SLC25A13: variants seen among roughly 807,000 people sequenced by gnomAD.
SLC25A13 encodes solute carrier family 25 member 13.
A neutral mutation model predicts 85.5 loss-of-function variants in SLC25A13; 70 were observed. The observed-to-expected ratio is 0.82, with a 90% confidence interval of 0.68 to 1.00. SLC25A13 has a LOEUF of 1.00. Among genes scored for constraint, SLC25A13 ranks in the 50% least tolerant of loss-of-function variants. The probability of loss-of-function intolerance (pLI) is 0.00; values close to 1 mark genes in which losing one functional copy is unlikely to be tolerated. For synonymous variants in SLC25A13, 259 were observed against 288.7 expected, an observed-to-expected ratio of 0.90 and a Z score of 1.04; for missense variants, 765 against 819.8, an observed-to-expected ratio of 0.93 and a Z score of 0.82.
intron 13 of SLC25A13, among the ~76,000 whole-genome samples, chr7:96,165,128 C>T (rs1034362037): frequency 2.0e-5 from 3 of 152,026 alleles, no homozygotes; most frequent in Non-Finnish European, 4.4e-5. Context: ...TAAGAAGATC[C>T]CTGCTTTTGC....
chr7:96,233,884 A>G lies in SLC25A13; in HGVS notation c.328+918T>C, dbSNP rs368181491. 4.6e-5 allele frequency among the ~76,000 whole-genome samples: 7 copies of G among 152,358 alleles called. No individual in the cohort carries two copies. In the East Asian group the frequency reaches 9.6e-4, roughly 21 times the overall value. On this transcript the variant is annotated intron_variant, in intron 4 of 17. Coordinates refer to ENST00000265631, the MANE Select transcript of SLC25A13 (RefSeq NM_014251.3). ...TTAAAATGGGCACATGCCAAGCACA[A>G]GACAGGCAGAAGTCCTGTCTGGGTC...
chr7:96,288,175 A>C (rs1475782486), intron 2 of SLC25A13, among the ~76,000 whole-genome samples: 2 of 152,210 alleles, frequency 1.3e-5, no homozygotes, highest in Admixed American at 6.5e-5. Flanking sequence ...TCGTGCCTGT[A>C]ATCCCAGCAC....
intron 5 of SLC25A13, among the ~76,000 whole-genome samples, chr7:96,205,074 A>G (rs550299373): frequency 2.0e-5 from 3 of 151,988 alleles, no homozygotes; most frequent in South Asian, 2.1e-4. Flanking sequence ...TGTCCAGCTA[A>G]TTTTTTTGTA....
chr7:96,186,083 TA>T (rs927687293), intron 9 of SLC25A13, among the ~76,000 whole-genome samples: 1 of 152,072 alleles, frequency 6.6e-6, no homozygotes, highest in African/African-American at 2.4e-5. Flanking sequence ...CAAGCATAAA[TA>T]GAGAGATGTT....
At chr7:96,148,366 T>C (rs555135638) in intron 13 of SLC25A13, among the ~76,000 whole-genome samples, 2 of 152,294 alleles carry the variant, frequency 1.3e-5, no homozygotes, top group Non-Finnish European at 2.9e-5. Context: ...AACCTGCAGG[T>C]CCATGAGAAG....
intron 13 of SLC25A13, among the ~76,000 whole-genome samples, chr7:96,147,074 ACAGAACG>A (rs1792834002): frequency 2.2e-5 from 1 of 46,464 alleles, no homozygotes; most frequent in Admixed American, 1.9e-4. Flanking sequence ...ATGAGGAGAC[ACAGAACG>A]TATCCAAATG....
intron 15 of SLC25A13, among the ~76,000 whole-genome samples, chr7:96,129,102 G>C (rs1449215314): frequency 6.6e-6 from 1 of 152,098 alleles, no homozygotes; most frequent in Non-Finnish European, 1.5e-5. Context: ...GAGCCATCTT[G>C]AAAGTGGCTT....
At chr7:96,217,479 G>C (rs1211495082) in intron 4 of SLC25A13, among the ~76,000 whole-genome samples, 1 of 151,976 alleles carries the variant, frequency 6.6e-6, no homozygotes, top group Non-Finnish European at 1.5e-5. Context: ...ACTGGGAACA[G>C]CTCTTATGCC....
intron 2 of SLC25A13, chr7:96,283,817 T>A (rs1403038548): frequency 8.9e-6 from 1 of 112,284 alleles, no homozygotes; most frequent in South Asian, 2.8e-4. Flanking sequence ...CAAATAGGTG[T>A]TTAAAAAAAA....
intron 15 of SLC25A13, among the ~76,000 whole-genome samples, chr7:96,130,664 G>A (rs1791987131): frequency 6.6e-6 from 1 of 152,140 alleles, no homozygotes; most frequent in Admixed American, 6.5e-5. Context: ...AGGCCACCAT[G>A]AGTCAAGCTG....
Position 96,203,199 on chromosome 7 carries a change from T to C in SLC25A13, c.468+5639A>G, listed in dbSNP as rs147961987. On this transcript the variant is annotated intron_variant, in intron 5 of 17. Coordinates refer to ENST00000265631, the MANE Select transcript of SLC25A13 (RefSeq NM_014251.3). ...TTACCTTTACACATTCAGGGTTGCC[T>C]AGTCCAGACCAAAGTTTGCCAAAAT... Among the ~76,000 whole-genome samples, 240 of 152,272 alleles carry C rather than the reference T, an allele frequency of 1.6e-3. 3 individuals carry two copies. The highest frequency in any genetic ancestry group is 5.6e-3 in the African/African-American group (233 of 41,568).
Position 96,261,192 on chromosome 7 carries a change from TC to T in SLC25A13, c.212+16003del, listed in dbSNP as rs1476723161. On this transcript the variant is annotated intron_variant, in intron 3 of 17. Transcript: ENST00000265631. The stretch of plus-strand genomic sequence containing the variant: ...CAAATGTCACTTTTCAGAGAGATCT[TC>T]CCTGACCACTTTATCGACCATAGCA... Among the ~76,000 whole-genome samples the T allele has an allele frequency of 2.6e-5, 4 of 152,198 alleles. No homozygotes were observed. The South Asian group carries it at 8.3e-4, about 32-fold the overall frequency.
intron 3 of SLC25A13, among the ~76,000 whole-genome samples, chr7:96,267,844 T>A (rs909644572): frequency 6.6e-6 from 1 of 151,898 alleles, no homozygotes; most frequent in Non-Finnish European, 1.5e-5. Context: ...ATTGCTGTCA[T>A]TTTGGTACAA....
intron 5 of SLC25A13, among the ~76,000 whole-genome samples, chr7:96,195,696 G>T (rs1795033830): frequency 6.6e-6 from 1 of 152,032 alleles, no homozygotes; most frequent in Non-Finnish European, 1.5e-5. Context: ...TGCCAGACCT[G>T]CCACACACCT....
chr7:96,238,350 T>A (rs1279773675), intron 3 of SLC25A13, among the ~76,000 whole-genome samples: 2 of 151,092 alleles, frequency 1.3e-5, no homozygotes, highest in African/African-American at 4.9e-5. Context: ...CTGCTGAACC[T>A]CCACCTTGGA....
chr7:96,290,533 C>T (rs1343551839), intron 2 of SLC25A13, among the ~76,000 whole-genome samples: 1 of 151,348 alleles, frequency 6.6e-6, no homozygotes, highest in Non-Finnish European at 1.5e-5. Flanking sequence ...GCAAACCCAT[C>T]TCACGTGCAG....
At chr7:96,147,056 GTATCCAAATGAGGAGACACAGAAC>G (rs1792832724) in intron 13 of SLC25A13, among the ~76,000 whole-genome samples, 1 of 46,238 alleles carries the variant, frequency 2.2e-5, no homozygotes. Context: ...AAAAGCATTC[GTATCCAAATGAGGAGACACAGAAC>G]GTATCCAAAT....
At chr7:96,164,446 T>C (rs549291973) in intron 13 of SLC25A13, among the ~76,000 whole-genome samples, 15 of 152,306 alleles carry the variant, frequency 9.8e-5, no homozygotes, top group South Asian at 4.1e-4. Context: ...AGATTATTGT[T>C]TTAAACCACT....
intron 2 of SLC25A13, among the ~76,000 whole-genome samples, chr7:96,277,654 A>T (rs1479253162): frequency 1.3e-5 from 2 of 152,178 alleles, no homozygotes; most frequent in Non-Finnish European, 2.9e-5. Flanking sequence ...GTTGCTAGAC[A>T]TCCAACAATA....
Sources: gnomAD v4.1 joint callset for allele counts (sites outside exome capture counted in the v4.1 genomes callset) on GRCh38, gnomAD v4.1.1 for gene constraint, MANE v1.5 for transcripts, NCBI Gene and HGNC (gene_info 2026-07-23, HGNC 2026-07-21) for gene names.